ARCN1: variants seen among roughly 807,000 people sequenced by gnomAD.
ARCN1 encodes coatomer subunit delta.
A neutral mutation model predicts 60.4 loss-of-function variants in ARCN1; 5 were observed. That is an observed-to-expected ratio of 0.08 (90% CI 0.04 to 0.17). The LOEUF (loss-of-function observed/expected upper bound fraction) is 0.17, where lower values mean the gene tolerates loss of function less well. Ranked by LOEUF, ARCN1 falls within the 10% of genes least tolerant of loss-of-function variation. The probability of loss-of-function intolerance (pLI) is 1.00; values close to 1 mark genes in which losing one functional copy is unlikely to be tolerated. For synonymous variants in ARCN1, 224 were observed against 220.0 expected, an observed-to-expected ratio of 1.02 and a Z score of -0.16; for missense variants, 464 against 626.5, an observed-to-expected ratio of 0.74 and a Z score of 2.77.
chr11:118,576,892 C>G (rs999991499), intron 1 of ARCN1, among the ~76,000 whole-genome samples: 7 of 152,126 alleles, frequency 4.6e-5, no homozygotes, highest in Non-Finnish European at 7.3e-5. Context: ...GTACTGAAAG[C>G]CTGGAATTCT....
chr11:118,592,914 C>A, intron 7 of ARCN1, 58 bp downstream of exon 7: 1 of 1,476,474 alleles, frequency 6.8e-7, no homozygotes, highest in Non-Finnish European at 9.1e-7. Context: ...AGAAATAGCC[C>A]TTGCTGGTAC....
Position 118,581,286 on chromosome 11 carries a change from C to A in ARCN1, c.44C>A (p.Ala15Asp). 1 of 1,614,198 alleles carries A rather than the reference C, an allele frequency of 6.2e-7. No homozygotes were observed. Among genetic ancestry groups the A allele is most frequent in the Non-Finnish European group, 8.5e-7 (1 of 1,180,044 alleles). Reference protein sequence around the residue: ...AAAVCTKAGKAIVSRQFVEMT... With the variant: ...AAAVCTKAGKDIVSRQFVEMT... ...GCGGTCTGCACAAAAGCAGGAAAGG[C>A]TATTGTTTCTCGACAGTTTGTGGAA... The change falls in exon 2 of 10, where the codon GCT becomes GAT. Residue 15 changes from alanine to aspartate, a missense_variant. Ala to Asp is a moderately radical substitution (Grantham distance 126). This residue lies in a region of ARCN1 where 105 missense variants were observed against 186.3 expected (regional missense o/e 0.56). Coordinates refer to ENST00000264028, the MANE Select transcript of ARCN1 (RefSeq NM_001655.5).
intron 6 of ARCN1, 139 bp from the exon 7 acceptor site, chr11:118,592,570 C>A (rs545376132): frequency 2.2e-5 from 13 of 582,284 alleles, no homozygotes; most frequent in Non-Finnish European, 2.8e-6. Context: ...GAAGGGAAAT[C>A]TTTCTTCAAA....
At position 118,594,797 on chromosome 11, in the gene ARCN1, G is replaced by T. The variant is rs1291671179; in HGVS notation, c.1241+1099G>T. Among the ~76,000 whole-genome samples the T allele has an allele frequency of 2.7e-5, 4 of 148,806 alleles. No homozygotes were observed. The Admixed American group carries it at 2.7e-4, about 10-fold the overall frequency. On this transcript the variant is annotated intron_variant, in intron 8 of 9. Transcript: ENST00000264028. ...ACTCCTGACCTTAGATGATCTGCCC[G>T]CCTTGGCCTCCCAAAGTGCTGGGAT...
At chr11:118,597,686 C>G in intron 8 of ARCN1, 21 bp from the exon 9 acceptor site, 1 of 1,612,650 alleles carries the variant, frequency 6.2e-7, no homozygotes, top group Non-Finnish European at 8.5e-7. Context: ...GCTACCTTGA[C>G]CAGAATGTTT....
intron 2 of ARCN1, 31 bp downstream of exon 2, chr11:118,581,540 C>T (rs1228019467): frequency 8.9e-6 from 14 of 1,567,340 alleles, no homozygotes; most frequent in South Asian, 1.2e-5. Flanking sequence ...CTGGGTTCCA[C>T]TTTTTGTTTT....
chr11:118,597,909 C>G lies in ARCN1; in HGVS notation c.1444C>G (p.Gln482Glu). ...FVSKKNYCNI[Q>E]VTKVTQVDGN... Reference sequence around the variant, plus strand: ...CTCCAAGAAAAATTACTGTAACATACAGGTACTCCATTTTAGTTGAGAACA... The same window carrying G: ...CTCCAAGAAAAATTACTGTAACATAGAGGTACTCCATTTTAGTTGAGAACA... Residue 482 changes from glutamine to glutamate, a missense_variant and splice_region_variant, in exon 9 of 10, where the codon CAG becomes GAG. Gln to Glu is a conservative substitution (Grantham distance 29, BLOSUM62 2). Transcript: ENST00000264028. 1 of 1,614,036 alleles carries G rather than the reference C, an allele frequency of 6.2e-7. No individual in the cohort carries two copies. The highest frequency in any genetic ancestry group is 8.5e-7 in the Non-Finnish European group (1 of 1,179,964).
At chr11:118,597,122 G>A (rs1441839159) in intron 8 of ARCN1, among the ~76,000 whole-genome samples, 3 of 152,154 alleles carry the variant, frequency 2.0e-5, no homozygotes, top group East Asian at 1.9e-4. Context: ...CAGGAGAATC[G>A]CTTGAACTGG....
intron 8 of ARCN1, among the ~76,000 whole-genome samples, chr11:118,595,940 G>A (rs1939016201): frequency 6.6e-6 from 1 of 152,080 alleles, no homozygotes; most frequent in Admixed American, 6.5e-5. Context: ...GGTGGCGGGC[G>A]CCTGTAGTTC....
intron 6 of ARCN1, among the ~76,000 whole-genome samples, chr11:118,592,040 C>G (rs1938924821): frequency 6.6e-6 from 1 of 152,094 alleles, no homozygotes; most frequent in Non-Finnish European, 1.5e-5. Context: ...CCTGCCTCAG[C>G]CTCTCGAGTA....
intron 1 of ARCN1, chr11:118,573,616 A>G (rs782426506): frequency 2.1e-5 from 15 of 698,098 alleles, no homozygotes; most frequent in East Asian, 5.4e-5. Context: ...TCTTTTGTCA[A>G]TAGATAACTT....
chr11:118,593,929 A>G, intron 8 of ARCN1: 3 of 359,792 alleles, frequency 8.3e-6, no homozygotes, highest in South Asian at 6.9e-5. Flanking sequence ...AGAAGAAGGT[A>G]CTTCACTTCA....
intron 1 of ARCN1, among the ~76,000 whole-genome samples, chr11:118,577,811 G>A (rs1216798319): frequency 6.6e-6 from 1 of 151,990 alleles, no homozygotes; most frequent in Non-Finnish European, 1.5e-5. Context: ...TTATAATATC[G>A]CAAAAATGGA....
intron 8 of ARCN1, among the ~76,000 whole-genome samples, chr11:118,595,766 C>T (rs1939011414): frequency 6.6e-6 from 1 of 152,152 alleles, no homozygotes; most frequent in Admixed American, 6.5e-5. Flanking sequence ...GTTATTGCTG[C>T]AGAGAAAATG....
At position 118,592,640 on chromosome 11, in the gene ARCN1, A is replaced by G. The variant is rs543192419; in HGVS notation, c.985-69A>G. On this transcript the variant is annotated intron_variant, in intron 6 of 9. Transcript: ENST00000264028. The stretch of plus-strand genomic sequence containing the variant: ...TTTGGATGTTTAGATTGTGGGCCAT[A>G]TAAGCCTAGTGAGGGGTTGTTTCTC... 20 of 1,304,888 alleles carry G rather than the reference A, an allele frequency of 1.5e-5. No individual in the cohort carries two copies. In the East Asian group the frequency reaches 4.4e-4, roughly 29 times the overall value. 80.8% of individuals were successfully genotyped at this position (1,304,888 alleles called of 1,614,324 possible).
At chr11:118,589,190 A>G (rs1349926542) in intron 5 of ARCN1, among the ~76,000 whole-genome samples, 2 of 152,034 alleles carry the variant, frequency 1.3e-5, no homozygotes, top group Non-Finnish European at 2.9e-5. Context: ...TGGTTCAGGG[A>G]AAAAAAATCA....
chr11:118,580,324 CA>C (rs1405379701), intron 1 of ARCN1, among the ~76,000 whole-genome samples: 1 of 148,320 alleles, frequency 6.7e-6, no homozygotes, highest in East Asian at 2.0e-4. Flanking sequence ...ACCCTGTCTC[CA>C]AAAAAAAAGA....
chr11:118,598,377 T>C (rs1939074992), intron 9 of ARCN1, among the ~76,000 whole-genome samples: 1 of 152,130 alleles, frequency 6.6e-6, no homozygotes, highest in Admixed American at 6.5e-5. Context: ...ATTTGAGGGT[T>C]ATTTATGTCA....
At chr11:118,586,731 A>G (rs537447804) in intron 5 of ARCN1, among the ~76,000 whole-genome samples, 1 of 152,086 alleles carries the variant, frequency 6.6e-6, no homozygotes, top group Admixed American at 6.6e-5. Flanking sequence ...ACACACCTGT[A>G]GTCCCAGCTA....
Sources: allele counts gnomAD v4.1 joint callset (sites outside exome capture counted in the v4.1 genomes callset), GRCh38; gene constraint gnomAD v4.1.1; regional missense constraint gnomAD v4.1.1; transcripts MANE v1.5; gene names NCBI Gene and HGNC (gene_info 2026-07-23, HGNC 2026-07-21).